Variants in PRR16 observed in about 807,000 individuals in gnomAD.
PRR16 encodes the protein proline rich 16.
PRR16 carries 6 observed loss-of-function variants against 18.2 expected under a neutral mutation model. The ratio of observed to expected loss-of-function variants is 0.33; its 90% confidence interval spans 0.18 to 0.65. The LOEUF (loss-of-function observed/expected upper bound fraction) is 0.65. Ranked by LOEUF, PRR16 falls within the 30% of genes least tolerant of loss-of-function variation. PRR16 has a pLI of 0.74. For missense variants in PRR16, 412 were observed against 376.6 expected, an observed-to-expected ratio of 1.09 and a Z score of -0.78; for synonymous variants, 151 against 147.8, an observed-to-expected ratio of 1.02 and a Z score of -0.16.
chr5:120,640,230 C>T lies in PRR16; in HGVS notation c.160-45724C>T, dbSNP rs146505297. On this transcript the variant is annotated intron_variant, in intron 1 of 1. Transcript: ENST00000407149. ...TACCCAGATGACAGGATCATTCATA[C>T]CTCGTACCTCAGCAACACACAATTT... Among the ~76,000 whole-genome samples the T allele has an allele frequency of 4.4e-3, 672 of 152,120 alleles. 5 individuals are homozygous for T. The highest frequency in any genetic ancestry group is 0.015 in the African/African-American group (627 of 41,514).
chr5:120,744,373 A>G, the PRR16 span, among the ~76,000 whole-genome samples: 1 of 152,182 alleles, frequency 6.6e-6, no homozygotes, highest in African/African-American at 2.4e-5. Context: ...GCCATGTCTC[A>G]ATCTTTCAGT....
chr5:120,638,431 A>G (rs1358377925), intron 1 of PRR16, among the ~76,000 whole-genome samples: 1 of 152,136 alleles, frequency 6.6e-6, no homozygotes, highest in East Asian at 1.9e-4. Flanking sequence ...CATAGAGGCT[A>G]GAAGAATTTC....
At chr5:120,570,409 GC>G (rs1477421019) in intron 1 of PRR16, among the ~76,000 whole-genome samples, 2 of 152,126 alleles carry the variant, frequency 1.3e-5, no homozygotes, top group Non-Finnish European at 2.9e-5. Flanking sequence ...ACCGCCAAAT[GC>G]CCTGCACAGG....
rs1279597533 is a variant in PRR16, at chr5:120,464,765, C to A, written c.159+120C>A. 1.5e-5 allele frequency: 16 copies of A among 1,076,670 alleles called. No individual in the cohort carries two copies. In the East Asian group the frequency reaches 4.0e-4, roughly 27 times the overall value. 66.7% of individuals were successfully genotyped at this position (1,076,670 alleles called of 1,614,324 possible). A position where few individuals can be genotyped will look rare whatever the true frequency, so the allele number is the denominator to read the frequency against. ...CTCCTGGGAAACTACAGAAAAGGCG[C>A]CTGCAGACGGACTTTCTTTGCTCCT... On this transcript the variant is annotated intron_variant, in intron 1 of 1. Coordinates refer to ENST00000407149, the MANE Select transcript of PRR16 (RefSeq NM_001300783.2).
Position 120,467,789 on chromosome 5 carries a change from A to T in PRR16, c.159+3144A>T, listed in dbSNP as rs186569552. 2.9e-4 allele frequency among the ~76,000 whole-genome samples: 44 copies of T among 152,314 alleles called. No individual in the cohort carries two copies. In the East Asian group the frequency reaches 7.5e-3, roughly 26 times the overall value. On this transcript the variant is annotated intron_variant, in intron 1 of 1. Coordinates refer to ENST00000407149, the MANE Select transcript of PRR16 (RefSeq NM_001300783.2). ...AGAGCAGCCTTATTCTACTCTCAGA[A>T]TTTAGTAAAATCTCAAATAATTTGA...
At chr5:120,635,532 A>G (rs1755198357) in intron 1 of PRR16, among the ~76,000 whole-genome samples, 2 of 152,208 alleles carry the variant, frequency 1.3e-5, no homozygotes, top group Non-Finnish European at 2.9e-5. Flanking sequence ...TGATCATCTC[A>G]GTAGATGTAT....
At chr5:120,772,035 A>G in the PRR16 span, among the ~76,000 whole-genome samples, 2 of 152,084 alleles carry the variant, frequency 1.3e-5, no homozygotes, top group Non-Finnish European at 2.9e-5. Context: ...CTTATTTTCC[A>G]AGGATTTTAA....
intron 1 of PRR16, among the ~76,000 whole-genome samples, chr5:120,501,027 T>A (rs1036481551): frequency 1.8e-4 from 27 of 151,968 alleles, no homozygotes; most frequent in African/African-American, 6.3e-4. Flanking sequence ...ACAACAGAAA[T>A]ATAAAATGAT....
chr5:120,472,272 CA>C (rs914023617), intron 1 of PRR16, among the ~76,000 whole-genome samples: 1 of 151,956 alleles, frequency 6.6e-6, no homozygotes, highest in African/African-American at 2.4e-5. Flanking sequence ...TTTGTAGTAC[CA>C]CACAAATGTT....
At chr5:120,464,284 A>G, upstream of PRR16, 1 of 375,786 alleles carries the variant, frequency 2.7e-6, no homozygotes, top group Non-Finnish European at 4.5e-6. Context: ...CCCCGAGCCG[A>G]GCGCCGCGTC....
chr5:120,703,927 A>G, the PRR16 span, among the ~76,000 whole-genome samples: 1 of 152,174 alleles, frequency 6.6e-6, no homozygotes, highest in African/African-American at 2.4e-5. Context: ...CAGAGATGAA[A>G]TTGGATTTGT....
chr5:120,623,674 A>C (rs1049582112), intron 1 of PRR16, among the ~76,000 whole-genome samples: 6 of 152,118 alleles, frequency 3.9e-5, no homozygotes, highest in African/African-American at 9.7e-5. Context: ...TAGACCTCAA[A>C]GTTTATATTA....
the PRR16 span, among the ~76,000 whole-genome samples, chr5:120,734,856 T>TA: frequency 6.6e-6 from 1 of 152,206 alleles, no homozygotes; most frequent in Non-Finnish European, 1.5e-5. Flanking sequence ...TTGTTGGACA[T>TA]AAAAAATGAA....
In PRR16 at chr5:120,481,073, C is replaced by T. The variant is rs559230167; in HGVS notation, c.159+16428C>T. The T allele has an allele frequency of 1.9e-4, 212 of 1,145,120 alleles. No homozygotes were observed. In the South Asian group the frequency reaches 2.9e-3, roughly 16 times the overall value. The allele number at this position is 1,145,120 out of a possible 1,614,324, so 70.9% of individuals were successfully genotyped here. A position where few individuals can be genotyped will look rare whatever the true frequency, so the allele number is the denominator to read the frequency against. On this transcript the variant is annotated intron_variant, in intron 1 of 1. Transcript: ENST00000407149. ...AGTACATGGCAGGCAATACTTTGGC[C>T]CATCTAATTCCCTTTGATATTTGTG...
chr5:120,729,446 C>T, the PRR16 span, among the ~76,000 whole-genome samples: 1 of 152,096 alleles, frequency 6.6e-6, no homozygotes, highest in Admixed American at 6.6e-5. Context: ...TTGTGATTGA[C>T]AACTAAAAGA....
chr5:120,529,678 C>G (rs1226217398), intron 1 of PRR16, among the ~76,000 whole-genome samples: 5 of 152,110 alleles, frequency 3.3e-5, no homozygotes, highest in African/African-American at 1.2e-4. Flanking sequence ...GGAAAAAATC[C>G]TTAAACATCC....
chr5:120,676,162 G>A (rs1264738451), intron 1 of PRR16, among the ~76,000 whole-genome samples: 3 of 152,068 alleles, frequency 2.0e-5, no homozygotes, highest in Non-Finnish European at 4.4e-5. Flanking sequence ...GAGAAAGCTT[G>A]TTGCTTTGGA....
chr5:120,684,007 T>C (rs1757048640), intron 1 of PRR16, among the ~76,000 whole-genome samples: 1 of 151,544 alleles, frequency 6.6e-6, no homozygotes. Context: ...CAGTAAATCA[T>C]AGAGGCTCAG....
At chr5:120,735,899 C>T in the PRR16 span, among the ~76,000 whole-genome samples, 1 of 152,100 alleles carries the variant, frequency 6.6e-6, no homozygotes, top group Non-Finnish European at 1.5e-5. Context: ...TTGCCAAATA[C>T]AATGTCATAA....
Sources: gnomAD v4.1 joint callset for allele counts (sites outside exome capture counted in the v4.1 genomes callset) on GRCh38, gnomAD v4.1.1 for gene constraint, MANE v1.5 for transcripts, NCBI Gene and HGNC (gene_info 2026-07-23, HGNC 2026-07-21) for gene names.